CTNNA2: variants seen among roughly 807,000 people sequenced by gnomAD.
CTNNA2 encodes the protein catenin alpha-2.
Under a neutral mutation model 101.0 loss-of-function variants are expected in CTNNA2, and 42 were observed. The ratio of observed to expected loss-of-function variants is 0.42; its 90% CI spans 0.32 to 0.54. CTNNA2 has a LOEUF of 0.54. Ranked by LOEUF, CTNNA2 falls within the 20% of genes least tolerant of loss-of-function variation. CTNNA2 has a pLI of 0.14. For missense variants in CTNNA2, 871 were observed against 1,223.1 expected (o/e 0.71, Z 4.29); for synonymous variants, 450 against 456.4 (o/e 0.99, Z 0.18).
intron 1 of CTNNA2, among the ~76,000 whole-genome samples, chr2:79,578,226 CT>C (rs1675917319): frequency 6.6e-6 from 1 of 151,864 alleles, no homozygotes; most frequent in Admixed American, 6.6e-5. Flanking sequence ...GTTTTTTTTC[CT>C]ATTAGTTAAT....
intron 3 of CTNNA2, among the ~76,000 whole-genome samples, chr2:79,823,012 C>A (rs1678136126): frequency 6.6e-6 from 1 of 152,134 alleles, no homozygotes; most frequent in Admixed American, 6.6e-5. Context: ...CAATTTTTTT[C>A]TCTTCATCTT....
At chr2:80,626,650 AATTACCCTT>A (rs1369585350) in intron 18 of CTNNA2, among the ~76,000 whole-genome samples, 2 of 152,132 alleles carry the variant, frequency 1.3e-5, no homozygotes, top group African/African-American at 2.4e-5. Context: ...ATAAGAATTA[AATTACCCTT>A]ATAAGATTCA....
At chr2:79,292,965 A>G (rs1675864993) in intron 2 of CTNNA2, 1 of 152,236 alleles carries the variant, frequency 6.6e-6, no homozygotes, top group African/African-American at 2.4e-5. Context: ...AAGGTCCACA[A>G]TATTGCCTGC....
chr2:79,784,981 A>T (rs966671045), intron 3 of CTNNA2, among the ~76,000 whole-genome samples: 6 of 152,158 alleles, frequency 3.9e-5, no homozygotes, highest in Non-Finnish European at 7.3e-5. Context: ...ATTAAGCTAT[A>T]TATTGATGAT....
intron 7 of CTNNA2, among the ~76,000 whole-genome samples, chr2:80,250,204 A>AGAGTGTGT (rs1553476557): frequency 8.4e-4 from 81 of 96,500 alleles, no homozygotes; most frequent in African/African-American, 2.1e-3. Flanking sequence ...AGAGAGAGAG[A>AGAGTGTGT]GTGTGTGTGT....
intron 2 of CTNNA2, among the ~76,000 whole-genome samples, chr2:79,721,427 T>A (rs1205175739): frequency 6.6e-6 from 1 of 152,164 alleles, no homozygotes; most frequent in Non-Finnish European, 1.5e-5. Flanking sequence ...AAATGGGGGC[T>A]CCATCCAGAT....
At chr2:79,284,732 G>A (rs1043168705) in intron 2 of CTNNA2, among the ~76,000 whole-genome samples, 2 of 150,792 alleles carry the variant, frequency 1.3e-5, no homozygotes, top group Non-Finnish European at 3.0e-5. Flanking sequence ...TTTTTTGGTT[G>A]TGTCTCTGCC....
chr2:80,456,022 C>T (rs113243291), intron 9 of CTNNA2, among the ~76,000 whole-genome samples: 2,008 of 152,234 alleles, frequency 0.013, 34 homozygotes, highest in African/African-American at 0.039. Flanking sequence ...TCAATGCTTG[C>T]CAGTGAGAAG....
At chr2:79,304,285 G>T (rs1386650298) in intron 2 of CTNNA2, among the ~76,000 whole-genome samples, 2 of 152,164 alleles carry the variant, frequency 1.3e-5, no homozygotes, top group East Asian at 3.9e-4. Flanking sequence ...AAAGTTATAA[G>T]AATTCACTAC....
At chr2:79,386,838 C>T (rs1376310835) in intron 4 of CTNNA2, among the ~76,000 whole-genome samples, 1 of 152,174 alleles carries the variant, frequency 6.6e-6, no homozygotes, top group Non-Finnish European at 1.5e-5. Context: ...GGATCCATGT[C>T]CTTCTTAACA....
At chr2:79,224,779 A>G (rs1674387491) in intron 2 of CTNNA2, among the ~76,000 whole-genome samples, 1 of 151,052 alleles carries the variant, frequency 6.6e-6, no homozygotes, top group African/African-American at 2.4e-5. Flanking sequence ...AATCATTATT[A>G]TAATTATTTT....
chr2:79,886,039 T>A (rs952772429), intron 6 of CTNNA2, among the ~76,000 whole-genome samples: 3 of 152,238 alleles, frequency 2.0e-5, no homozygotes, highest in African/African-American at 7.2e-5. Flanking sequence ...GAGTGTCATA[T>A]GTAAAAGGAG....
intron 7 of CTNNA2, among the ~76,000 whole-genome samples, chr2:80,120,290 T>C (rs1027572159): frequency 6.6e-6 from 1 of 152,188 alleles, no homozygotes; most frequent in Non-Finnish European, 1.5e-5. Context: ...AATATATGGG[T>C]GCAATTTTAC....
intron 18 of CTNNA2, among the ~76,000 whole-genome samples, chr2:80,636,360 C>T (rs1296797883): frequency 2.6e-5 from 4 of 152,084 alleles, no homozygotes; most frequent in African/African-American, 9.7e-5. Flanking sequence ...CACTTTGTAG[C>T]AAAATACAGT....
At chr2:79,706,929 C>T (rs1416124067) in intron 2 of CTNNA2, among the ~76,000 whole-genome samples, 1 of 152,196 alleles carries the variant, frequency 6.6e-6, no homozygotes, top group Non-Finnish European at 1.5e-5. Flanking sequence ...TCTGGTCCCT[C>T]TGCCACAGAA....
chr2:79,348,775 A>G (rs748062480), intron 3 of CTNNA2, among the ~76,000 whole-genome samples: 30 of 152,210 alleles, frequency 2.0e-4, no homozygotes, highest in Non-Finnish European at 2.8e-4. Context: ...CCCCTTGTCT[A>G]GACACAGCAG....
intron 2 of CTNNA2, among the ~76,000 whole-genome samples, chr2:79,209,081 C>A (rs7562580): frequency 0.6 from 91,711 of 151,970 alleles, 29,802 homozygotes; most frequent in African/African-American, 0.86. Flanking sequence ...TTTGGAAGGC[C>A]GAGGCAGGAA....
chr2:79,867,370 CATCT>C (rs1401426129), intron 4 of CTNNA2, among the ~76,000 whole-genome samples: 5 of 152,176 alleles, frequency 3.3e-5, no homozygotes, highest in African/African-American at 1.2e-4. Flanking sequence ...ATCCATCAAT[CATCT>C]ATCTAATCTA....
intron 7 of CTNNA2, among the ~76,000 whole-genome samples, chr2:80,064,804 T>C (rs930473427): frequency 2.6e-5 from 4 of 152,202 alleles, no homozygotes; most frequent in Non-Finnish European, 5.9e-5. Flanking sequence ...ACAAGTCATG[T>C]GGCTAAGTAT....
Sources: gnomAD v4.1 joint callset for allele counts (sites outside exome capture counted in the v4.1 genomes callset) on GRCh38, gnomAD v4.1.1 for gene constraint, MANE v1.5 for transcripts, NCBI Gene and HGNC (gene_info 2026-07-23, HGNC 2026-07-21) for gene names.